The following SVEP1 variants were observed in gnomAD, a reference collection of about 807,000 sequenced individuals.
SVEP1 encodes sushi, von Willebrand factor type A, EGF and pentraxin domain containing 1.
Under a neutral mutation model 367.3 loss-of-function variants are expected in SVEP1, and 164 were observed. That is an observed-to-expected ratio of 0.45 (90% CI 0.39 to 0.51). SVEP1 has a LOEUF of 0.51. Ranked by LOEUF, SVEP1 falls within the 20% of genes least tolerant of loss-of-function variation. The pLI is 0.00. For synonymous variants in SVEP1, 1,666 were observed against 1,611.6 expected (o/e 1.03, Z -0.81); for missense variants, 4,117 against 4,425.3 (o/e 0.93, Z 1.98).
chr9:110,410,172 T>C (rs1828024500), intron 37 of SVEP1, among the ~76,000 whole-genome samples: 1 of 152,200 alleles, frequency 6.6e-6, no homozygotes, highest in African/African-American at 2.4e-5. Flanking sequence ...ATTTTGAATG[T>C]AAAGGAGAAA....
Position 110,443,729 on chromosome 9 carries a change from A to C in SVEP1, c.4464-9T>G. Reference sequence around the variant, plus strand: ...TCACATAAAGAACCCAGCTGTAGAGAGAAAGATTCCAGGGAATGTAGTCAT... The same window carrying C: ...TCACATAAAGAACCCAGCTGTAGAGCGAAAGATTCCAGGGAATGTAGTCAT... On this transcript the variant is annotated splice_polypyrimidine_tract_variant and intron_variant, in intron 26 of 47. Coordinates refer to ENST00000374469, the MANE Select transcript of SVEP1 (RefSeq NM_153366.4). 1.3e-6 allele frequency: 2 copies of C among 1,571,854 alleles called. No homozygotes were observed. The highest frequency in any genetic ancestry group is 1.7e-6 in the Non-Finnish European group (2 of 1,156,776).
chr9:110,393,834 T>C (rs1436271355), intron 40 of SVEP1, among the ~76,000 whole-genome samples: 1 of 152,148 alleles, frequency 6.6e-6, no homozygotes, highest in Non-Finnish European at 1.5e-5. Context: ...TTGCCGAGAC[T>C]TGATTAGGTA....
chr9:110,530,086 A>G (rs951731343), intron 3 of SVEP1, among the ~76,000 whole-genome samples: 1 of 152,170 alleles, frequency 6.6e-6, no homozygotes. Flanking sequence ...TTTTTATCAA[A>G]TGCTTTTTCT....
chr9:110,504,668 A>G (rs762124213), intron 5 of SVEP1, among the ~76,000 whole-genome samples: 5 of 151,806 alleles, frequency 3.3e-5, no homozygotes, highest in Non-Finnish European at 7.3e-5. Context: ...GGTCCCTGAT[A>G]CCAGCTATAC....
chr9:110,520,497 GCTA>G (rs1829862839), intron 3 of SVEP1, among the ~76,000 whole-genome samples: 2 of 152,232 alleles, frequency 1.3e-5, no homozygotes, highest in Non-Finnish European at 2.9e-5. Context: ...GCGGTTATCA[GCTA>G]CTATTACTGG....
rs1827795083 is a variant in SVEP1, at chr9:110,398,038, A to G, written c.9822+2816T>C. ...AAAAAAGAGCTGCGTCACCAAGTCA[A>G]TCCTAAGCCAAAAGAACAAAGCTGG... On this transcript the variant is annotated intron_variant, in intron 40 of 47. Coordinates refer to ENST00000374469, the MANE Select transcript of SVEP1 (RefSeq NM_153366.4). Among the ~76,000 whole-genome samples the G allele has an allele frequency of 1.4e-5, 2 of 146,168 alleles. 1 individual carries two copies. Among genetic ancestry groups the G allele is most frequent in the South Asian group, 4.3e-4 (2 of 4,604 alleles).
intron 36 of SVEP1, among the ~76,000 whole-genome samples, chr9:110,426,259 C>T (rs888753062): frequency 9.2e-5 from 14 of 152,206 alleles, no homozygotes; most frequent in African/African-American, 3.4e-4. Flanking sequence ...TTGCCACCTG[C>T]TGGCAGTCAT....
chr9:110,395,749 A>C (rs967695437), intron 40 of SVEP1, among the ~76,000 whole-genome samples: 2 of 151,578 alleles, frequency 1.3e-5, no homozygotes, highest in African/African-American at 4.8e-5. Context: ...ATCAAAAGAG[A>C]CAAAGAAGGC....
At chr9:110,531,137 T>C (rs563847010) in intron 3 of SVEP1, among the ~76,000 whole-genome samples, 28 of 152,298 alleles carry the variant, frequency 1.8e-4, no homozygotes, top group African/African-American at 6.3e-4. Flanking sequence ...GTTTTGAATA[T>C]TAAATTGTAG....
At chr9:110,435,784 G>A (rs1336867168) in intron 28 of SVEP1, among the ~76,000 whole-genome samples, 1 of 152,134 alleles carries the variant, frequency 6.6e-6, no homozygotes, top group East Asian at 1.9e-4. Flanking sequence ...CCTTTACTAT[G>A]GGCCAAATAA....
intron 3 of SVEP1, among the ~76,000 whole-genome samples, chr9:110,538,284 G>A (rs1348306541): frequency 1.3e-5 from 2 of 151,910 alleles, no homozygotes; most frequent in African/African-American, 2.4e-5. Context: ...ACATGCTAGC[G>A]ATATTCCTTC....
intron 27 of SVEP1, among the ~76,000 whole-genome samples, chr9:110,438,214 T>TCTTA (rs1828460483): frequency 7.7e-6 from 1 of 130,134 alleles, no homozygotes; most frequent in African/African-American, 3.0e-5. Context: ...TGAGACAGAG[T>TCTTA]CTTACTCCTT....
At chr9:110,479,842 T>C in intron 12 of SVEP1, 86 bp from the exon 13 acceptor site, 5 of 1,516,518 alleles carry the variant, frequency 3.3e-6, no homozygotes, top group Non-Finnish European at 3.6e-6. Context: ...TGAAACAATG[T>C]TTTAATTCTA....
chr9:110,532,816 T>A (rs1265678657), intron 3 of SVEP1, among the ~76,000 whole-genome samples: 1 of 152,056 alleles, frequency 6.6e-6, no homozygotes, highest in Non-Finnish European at 1.5e-5. Context: ...TTTCCAGCTA[T>A]GACAACCAAA....
chr9:110,547,885 C>G (rs764211659), intron 2 of SVEP1, among the ~76,000 whole-genome samples: 13 of 152,216 alleles, frequency 8.5e-5, no homozygotes, highest in Non-Finnish European at 1.3e-4. Flanking sequence ...TAAAGTATTA[C>G]ACATTTTAGA....
chr9:110,468,781 T>A (rs1828975466), intron 17 of SVEP1, among the ~76,000 whole-genome samples, 159 bp downstream of exon 17: 1 of 152,238 alleles, frequency 6.6e-6, no homozygotes, highest in Non-Finnish European at 1.5e-5. Flanking sequence ...AAAACTTATA[T>A]TGAATAAATG....
rs942112408 is a variant in SVEP1 at position 110,449,936 on chromosome 9, T to A, written c.4103+123A>T. 3.5e-6 allele frequency: 4 copies of A among 1,137,232 alleles called. No homozygotes were observed. In the South Asian group the frequency reaches 4.4e-5, roughly 12 times the overall value. The allele number at this position is 1,137,232 out of a possible 1,614,324, so 70.4% of individuals were successfully genotyped here. On this transcript the variant is annotated intron_variant, in intron 24 of 47. Coordinates refer to ENST00000374469, the MANE Select transcript of SVEP1 (RefSeq NM_153366.4). ...GGTGGGAATATTCAGCTGTAGCCTA[T>A]CCTCGGGCCAGCATTTGAGAATGAC...
chr9:110,565,415 T>C (rs779578717), intron 1 of SVEP1, among the ~76,000 whole-genome samples: 7 of 152,158 alleles, frequency 4.6e-5, no homozygotes, highest in Non-Finnish European at 7.3e-5. Flanking sequence ...AGTGTTGACC[T>C]TGGATTAAAG....
chr9:110,436,405 C>T lies in SVEP1; in HGVS notation c.4739G>A (p.Trp1580Ter). 6.2e-7 allele frequency: 1 copy of T among 1,613,980 alleles called. No homozygotes were observed. Among genetic ancestry groups the T allele is most frequent in the Non-Finnish European group, 8.5e-7 (1 of 1,179,872 alleles). Residue 1580 changes from tryptophan to a stop codon, truncating the protein, a stop_gained, in exon 28 of 48, where the codon TGG becomes TAG. Coordinates refer to ENST00000374469, the MANE Select transcript of SVEP1 (RefSeq NM_153366.4). LOFTEE classifies it high-confidence loss of function. ...CTGCTGTGGAGACAGGACATAGTCC[C>T]AGAGGTTGAGCTGGCTTATGGAGCC... is the stretch of plus-strand genomic sequence containing the variant. The part of the protein sequence containing the change: ...FVGSISQLNL[W>*]DYVLSPQQVK...
Sources: allele counts gnomAD v4.1 joint callset (sites outside exome capture counted in the v4.1 genomes callset), GRCh38; gene constraint gnomAD v4.1.1; transcripts MANE v1.5; gene names NCBI Gene and HGNC (gene_info 2026-07-23, HGNC 2026-07-21).